NTRK2: variants seen among roughly 807,000 people sequenced by gnomAD.
NTRK2 encodes neurotrophic receptor tyrosine kinase 2, also known as BDNF/NT-3 growth factors receptor.
In NTRK2, 13 loss-of-function variants were observed where a neutral mutation model predicts 94.5. The observed-to-expected ratio is 0.14, with a 90% confidence interval of 0.09 to 0.22. The LOEUF is 0.22. Among genes scored for constraint, NTRK2 ranks in the 10% least tolerant of loss-of-function variants. The probability of loss-of-function intolerance (pLI) is 1.00; values close to 1 mark genes in which losing one functional copy is unlikely to be tolerated. For missense variants in NTRK2, 639 were observed against 1,071.2 expected (o/e 0.60, Z 5.63); for synonymous variants, 372 against 407.4 (o/e 0.91, Z 1.05).
At position 84,948,456 on chromosome 9, in the gene NTRK2, C is replaced by G. The variant is rs2132880487; in HGVS notation, c.1765-6C>G. 2 of 1,614,038 alleles carry G rather than the reference C, an allele frequency of 1.2e-6. No homozygotes were observed. Among genetic ancestry groups the G allele is most frequent in the Non-Finnish European group, 8.5e-7 (1 of 1,179,930 alleles). On this transcript the variant is annotated splice_region_variant and splice_polypyrimidine_tract_variant and intron_variant, in intron 15 of 18. Transcript: ENST00000277120. ...GTAATCCTTCTCTTTTAACACCCAT[C>G]CCCAGACCCTGAAGGATGCCAGTGA...
chr9:84,764,108 T>C (rs545871142), intron 12 of NTRK2, among the ~76,000 whole-genome samples: 12 of 152,366 alleles, frequency 7.9e-5, no homozygotes, highest in African/African-American at 2.4e-4. Flanking sequence ...ACTTCATCTG[T>C]GTCACATCTG....
chr9:84,777,311 G>C (rs181954759), intron 12 of NTRK2, among the ~76,000 whole-genome samples: 1 of 152,122 alleles, frequency 6.6e-6, no homozygotes, highest in Non-Finnish European at 1.5e-5. Context: ...AAACTCTAAC[G>C]GATGTTTACA....
chr9:84,824,839 T>C (rs548324455), intron 12 of NTRK2, among the ~76,000 whole-genome samples: 8 of 152,108 alleles, frequency 5.3e-5, no homozygotes, highest in Admixed American at 6.5e-5. Context: ...TTAAAGCTAT[T>C]CATGGTTTTA....
In NTRK2 at chr9:84,669,793, C is replaced by G. The variant is rs2058581359; in HGVS notation, c.-468C>G. 6.5e-6 allele frequency: 1 copy of G among 152,820 alleles called. No individual in the cohort carries two copies. The highest frequency in any genetic ancestry group is 6.5e-5 in the Admixed American group (1 of 15,288). The allele number at this position is 152,820 out of a possible 1,614,324, so 9.5% of individuals were successfully genotyped here. Reference sequence around the variant, plus strand: ...GAATTGGGTTGGAGCAGGAGCCTCGCTGGCTGCTTCGCTCGCGCTCTACGC... The same window carrying G: ...GAATTGGGTTGGAGCAGGAGCCTCGGTGGCTGCTTCGCTCGCGCTCTACGC... On this transcript the variant is annotated 5_prime_UTR_variant, in exon 1 of 19. Coordinates refer to ENST00000277120, the MANE Select transcript of NTRK2 (RefSeq NM_006180.6). The surrounding 1 kb of genome is among the most constrained non-coding windows in gnomAD (Gnocchi z 4.1).
chr9:84,842,377 G>T (rs2074236443), intron 12 of NTRK2, among the ~76,000 whole-genome samples: 1 of 152,102 alleles, frequency 6.6e-6, no homozygotes, highest in African/African-American at 2.4e-5. Context: ...ACGTTTTTAA[G>T]GCACTATGTG....
chr9:84,855,598 T>G (rs562466950), intron 12 of NTRK2, among the ~76,000 whole-genome samples: 1 of 149,614 alleles, frequency 6.7e-6, no homozygotes, highest in Non-Finnish European at 1.5e-5. Context: ...TTTTTTTTTT[T>G]GTCTACATCT....
chr9:84,919,823 G>A (rs752081318), intron 14 of NTRK2, among the ~76,000 whole-genome samples: 6 of 152,104 alleles, frequency 3.9e-5, no homozygotes, highest in Admixed American at 1.3e-4. Context: ...CTTTTTATTA[G>A]GATTACCATT....
In NTRK2 at chr9:84,834,919, C is replaced by T. The variant is rs116294683; in HGVS notation, c.1397-26121C>T. Among the ~76,000 whole-genome samples the T allele has an allele frequency of 2.2e-3, 333 of 152,256 alleles. 1 individual carries two copies. The highest frequency in any genetic ancestry group is 7.6e-3 in the African/African-American group (315 of 41,550). On this transcript the variant is annotated intron_variant, in intron 12 of 18. Coordinates refer to ENST00000277120, the MANE Select transcript of NTRK2 (RefSeq NM_006180.6). ...GGACACTGAAAATTATGTAGCTGGTCCAGCTCATGCAACAAAACATGGGCA... is the reference window on the plus strand; with the variant it reads ...GGACACTGAAAATTATGTAGCTGGTTCAGCTCATGCAACAAAACATGGGCA...
chr9:84,776,230 T>C (rs1227440017), intron 12 of NTRK2, among the ~76,000 whole-genome samples: 1 of 152,128 alleles, frequency 6.6e-6, no homozygotes. Flanking sequence ...ATTTATTTAT[T>C]TTTTCTTTTG....
chr9:84,976,358 A>G (rs1273486148), intron 17 of NTRK2, among the ~76,000 whole-genome samples: 2 of 152,130 alleles, frequency 1.3e-5, no homozygotes, highest in African/African-American at 4.8e-5. Context: ...TTAGGGCTCT[A>G]CTTACGGGTG....
At chr9:84,963,924 A>G (rs902811079) in intron 17 of NTRK2, among the ~76,000 whole-genome samples, 2 of 152,062 alleles carry the variant, frequency 1.3e-5, no homozygotes, top group African/African-American at 4.8e-5. Context: ...TGCAGTTTTC[A>G]TTTCTGGAAG....
chr9:84,982,268 A>G (rs1362716980), intron 17 of NTRK2, among the ~76,000 whole-genome samples: 1 of 152,224 alleles, frequency 6.6e-6, no homozygotes, highest in Non-Finnish European at 1.5e-5. Flanking sequence ...CTGGGCAGCT[A>G]TTAATGACTG....
chr9:84,773,933 G>A (rs4877288), intron 12 of NTRK2, among the ~76,000 whole-genome samples: 94,465 of 151,912 alleles, frequency 0.62, 30,023 homozygotes, highest in South Asian at 0.68. Context: ...TTGTAACTGA[G>A]GACATTGAGA....
In NTRK2 at chr9:84,730,979, TC is replaced by T. The variant is rs1189568297; in HGVS notation, c.1159+3027del. Among the ~76,000 whole-genome samples, 5 of 151,710 alleles carry T rather than the reference TC, an allele frequency of 3.3e-5. 1 individual carries two copies. The highest frequency in any genetic ancestry group is 2.9e-5 in the Non-Finnish European group (2 of 67,928). ...CTTTCTCCCAGTTGTTTTGGTAAGA[TC>T]CCCCCCTTCCCTTTTTTTATTTGTT... On this transcript the variant is annotated intron_variant, in intron 9 of 18. Transcript: ENST00000277120.
At chr9:85,001,887 A>C (rs1003923716) in intron 17 of NTRK2, among the ~76,000 whole-genome samples, 1 of 152,232 alleles carries the variant, frequency 6.6e-6, no homozygotes, top group African/African-American at 2.4e-5. Context: ...AGAATTTCTG[A>C]ATAGGGCAGG....
At chr9:84,819,250 T>C (rs2072624101) in intron 12 of NTRK2, among the ~76,000 whole-genome samples, 1 of 152,234 alleles carries the variant, frequency 6.6e-6, no homozygotes, top group African/African-American at 2.4e-5. Flanking sequence ...AATTATTATA[T>C]AGAAACATAG....
chr9:84,973,346 G>A (rs1826411906), intron 17 of NTRK2, among the ~76,000 whole-genome samples: 1 of 152,120 alleles, frequency 6.6e-6, no homozygotes, highest in Admixed American at 6.5e-5. Context: ...GCCACAGAGA[G>A]AACATTCACC....
rs5898877 is a variant in NTRK2, at chr9:84,962,488, C to CT, written c.2172+6980dup. 1.2e-4 allele frequency among the ~76,000 whole-genome samples: 18 copies of CT among 151,364 alleles called. No homozygotes were observed. The South Asian group carries it at 1.9e-3, about 16-fold the overall frequency. The stretch of plus-strand genomic sequence containing the variant: ...GTAGATGGGTAAATCCTTGTGTCCC[C>CT]TTTTTTTTTGGTCTTCTGAGTCTCT... On this transcript the variant is annotated intron_variant, in intron 17 of 18. Coordinates refer to ENST00000277120, the MANE Select transcript of NTRK2 (RefSeq NM_006180.6).
chr9:84,701,468 A>G (rs1440135443), intron 2 of NTRK2, among the ~76,000 whole-genome samples: 1 of 152,012 alleles, frequency 6.6e-6, no homozygotes, highest in Non-Finnish European at 1.5e-5. Flanking sequence ...CTCTAAGCCC[A>G]CCAATGTGGG....
Sources: allele counts gnomAD v4.1 joint callset (sites outside exome capture counted in the v4.1 genomes callset), GRCh38; gene constraint gnomAD v4.1.1; non-coding constraint Gnocchi (gnomAD v3.1); transcripts MANE v1.5; gene names NCBI Gene and HGNC (gene_info 2026-07-23, HGNC 2026-07-21).